The following LRRC53 variants were observed in gnomAD, a reference collection of about 807,000 sequenced individuals.
The protein encoded by LRRC53 is leucine-rich repeat-containing protein 53.
Under a neutral mutation model 13.6 loss-of-function variants are expected in LRRC53, and 25 were observed. The ratio of observed to expected loss-of-function variants is 1.83; its 90% CI spans 1.34 to 2.56. LRRC53 has a LOEUF of 2.56. Ranked by LOEUF, LRRC53 falls within the 30% of genes most tolerant of loss-of-function variation. The pLI is 0.00. For missense variants in LRRC53, 527 were observed against 275.8 expected, an observed-to-expected ratio of 1.91 and a Z score of -6.45; for synonymous variants, 204 against 109.8, an observed-to-expected ratio of 1.86 and a Z score of -5.37.
chr1:74,497,564 GCA>G (rs748626223), intron 1 of LRRC53, among the ~76,000 whole-genome samples: 143 of 147,042 alleles, frequency 9.7e-4, no homozygotes, highest in African/African-American at 2.6e-3. Context: ...CCACATACAT[GCA>G]CACACACACA....
intron 1 of LRRC53, among the ~76,000 whole-genome samples, chr1:74,500,461 G>A (rs999614847): frequency 4.0e-5 from 6 of 150,790 alleles, no homozygotes; most frequent in African/African-American, 1.2e-4. Flanking sequence ...AAAATTAGCC[G>A]GGCGTAGTGG....
Position 74,472,173 on chromosome 1 carries a change from T to A in LRRC53, c.1449A>T (p.Arg483Ser), listed in dbSNP as rs1285244266. Reference sequence around the variant, plus strand: ...CCAAGGCTGAAGCGGGTGTTGCATATCTTCTTCTAAATATGTCACTGCTGA... The same window carrying A: ...CCAAGGCTGAAGCGGGTGTTGCATAACTTCTTCTAAATATGTCACTGCTGA... Reference protein sequence around the residue: ...EDISSDIFRRRYATPASALAG... With the variant: ...EDISSDIFRRSYATPASALAG... Residue 483 changes from arginine (R) to serine (S), a missense_variant, in exon 5 of 5, where the codon AGA (arginine) becomes AGT (serine). Arg to Ser is a moderately radical substitution (Grantham distance 110). Coordinates refer to ENST00000294635, the MANE Select transcript of LRRC53 (RefSeq NM_001382280.1). The A allele has an allele frequency of 1.4e-6, 1 of 714,700 alleles. No homozygotes were observed. Among genetic ancestry groups the A allele is most frequent in the Non-Finnish European group, 2.6e-6 (1 of 384,044 alleles). The allele number at this position is 714,700 out of a possible 1,614,324, so 44.3% of individuals were successfully genotyped here. A position where few individuals can be genotyped will look rare whatever the true frequency, so the allele number is the denominator to read the frequency against.
upstream of LRRC53, among the ~76,000 whole-genome samples, chr1:74,514,188 CTTGT>C (rs1387112918): frequency 6.6e-6 from 1 of 152,140 alleles, no homozygotes; most frequent in Non-Finnish European, 1.5e-5. Context: ...CATTTATGTC[CTTGT>C]TTATTTTCAC....
chr1:74,507,110 C>G (rs938518685), intron 1 of LRRC53, among the ~76,000 whole-genome samples: 25 of 152,050 alleles, frequency 1.6e-4, no homozygotes, highest in African/African-American at 5.1e-4. Context: ...ATCGCAAGAT[C>G]CCTGTATTAT....
At chr1:74,487,870 TAG>T (rs1668848033) in intron 1 of LRRC53, among the ~76,000 whole-genome samples, 1 of 151,500 alleles carries the variant, frequency 6.6e-6, no homozygotes, top group South Asian at 2.1e-4. Context: ...GGAAGTGAGG[TAG>T]AGAGAAAGGG....
intron 4 of LRRC53, among the ~76,000 whole-genome samples, chr1:74,472,568 T>A (rs1667988144): frequency 6.6e-6 from 1 of 152,100 alleles, no homozygotes; most frequent in South Asian, 2.1e-4. Flanking sequence ...CATTTCCCAT[T>A]TGCAACTTAA....
In LRRC53 at chr1:74,480,966, C is replaced by T. The variant is rs2100257425; in HGVS notation, c.91G>A (p.Ala31Thr). The change falls in exon 3 of 5, where the codon GCC becomes ACC. Residue 31 changes from alanine (A) to threonine (T), a missense_variant and splice_region_variant. Physicochemically the swap from Ala to Thr is moderately conservative, Grantham distance 58. Coordinates refer to ENST00000294635, the MANE Select transcript of LRRC53 (RefSeq NM_001382280.1). ...ATTAAAACCCTCGTGGTCATAGGGG[C>T]TGCTGTGGGGAAAAAAGCACAGACT... ...LCHQLTYIVA[A>T]PMTTRVLIIT... The T allele has an allele frequency of 1.4e-6, 1 of 707,848 alleles. No individual in the cohort carries two copies. The highest frequency in any genetic ancestry group is 2.6e-6 in the Non-Finnish European group (1 of 380,014). The allele number at this position is 707,848 out of a possible 1,614,324, so 43.8% of individuals were successfully genotyped here.
intron 1 of LRRC53, chr1:74,489,351 G>A: frequency 8.6e-7 from 1 of 1,163,858 alleles, no homozygotes. Context: ...TTACTGTGAG[G>A]ACCCATAACT....
chr1:74,495,923 A>G (rs1452011271), intron 1 of LRRC53, among the ~76,000 whole-genome samples: 4 of 152,170 alleles, frequency 2.6e-5, no homozygotes, highest in Non-Finnish European at 5.9e-5. Context: ...ACAGCGATCA[A>G]TAGGTGTTTA....
Position 74,483,375 on chromosome 1 carries a change from C to T in LRRC53, c.-26G>A. 1.4e-6 allele frequency: 1 copy of T among 717,078 alleles called. No individual in the cohort carries two copies. Among genetic ancestry groups the T allele is most frequent in the Non-Finnish European group, 2.6e-6 (1 of 384,798 alleles). The allele number at this position is 717,078 out of a possible 1,614,324, so 44.4% of individuals were successfully genotyped here. Reference sequence around the variant, plus strand: ...GATGGCAAAGAGTACCAGCCATCCACCTGAAAGGAAAGTAGAGGGCAATGT... The same window carrying T: ...GATGGCAAAGAGTACCAGCCATCCATCTGAAAGGAAAGTAGAGGGCAATGT... On this transcript the variant is annotated splice_region_variant and 5_prime_UTR_variant, in exon 2 of 5. The change creates a new upstream start codon in the 5' untranslated region. Transcript: ENST00000294635.
chr1:74,488,310 A>G (rs1486984255), intron 1 of LRRC53, among the ~76,000 whole-genome samples: 1 of 152,114 alleles, frequency 6.6e-6, no homozygotes, highest in African/African-American at 2.4e-5. Flanking sequence ...GGAGTATGTG[A>G]GAGGAAACAG....
chr1:74,490,869 A>C (rs1332398093), intron 1 of LRRC53, among the ~76,000 whole-genome samples: 1 of 152,238 alleles, frequency 6.6e-6, no homozygotes, highest in Non-Finnish European at 1.5e-5. Flanking sequence ...TATAAATATA[A>C]TGTCCTGCAG....
chr1:74,478,399 AT>A (rs1468862794), intron 3 of LRRC53, among the ~76,000 whole-genome samples: 7 of 152,198 alleles, frequency 4.6e-5, no homozygotes, highest in African/African-American at 1.2e-4. Context: ...TAGAATTTGT[AT>A]TCATCTCAAT....
chr1:74,476,948 A>G (rs147708227), intron 3 of LRRC53, among the ~76,000 whole-genome samples: 55 of 152,238 alleles, frequency 3.6e-4, no homozygotes, highest in African/African-American at 1.3e-3. Flanking sequence ...TCCTCATACC[A>G]TTGTATAGTT....
the LRRC53 span, among the ~76,000 whole-genome samples, chr1:74,534,260 A>G: frequency 1.3e-5 from 2 of 152,148 alleles, no homozygotes; most frequent in African/African-American, 4.8e-5. Flanking sequence ...TACGTCTGTT[A>G]TAATTCACCA....
intron 1 of LRRC53, among the ~76,000 whole-genome samples, chr1:74,496,130 G>T (rs939786028): frequency 3.9e-5 from 6 of 152,154 alleles, no homozygotes; most frequent in Admixed American, 3.9e-4. Flanking sequence ...ATGCTTTAAA[G>T]TTCCCCAGGT....
chr1:74,533,103 G>A, the LRRC53 span, among the ~76,000 whole-genome samples: 1 of 152,150 alleles, frequency 6.6e-6, no homozygotes, highest in Non-Finnish European at 1.5e-5. Flanking sequence ...CACAGCAAAA[G>A]AAAGTACCGT....
upstream of LRRC53, among the ~76,000 whole-genome samples, chr1:74,515,973 T>C (rs17095494): frequency 0.014 from 2,071 of 152,240 alleles, 40 homozygotes; most frequent in African/African-American, 0.045. Context: ...GGACTTGCCT[T>C]TGCAGAAAAT....
chr1:74,519,952 T>C, the LRRC53 span, among the ~76,000 whole-genome samples: 3 of 152,254 alleles, frequency 2.0e-5, no homozygotes, highest in Admixed American at 6.5e-5. Context: ...TATTTCTCCT[T>C]TGGATACTGC....
Sources: allele counts gnomAD v4.1 joint callset (sites outside exome capture counted in the v4.1 genomes callset), GRCh38; gene constraint gnomAD v4.1.1; transcripts MANE v1.5; gene names NCBI Gene and HGNC (gene_info 2026-07-23, HGNC 2026-07-21).